The following NR5A2 variants were observed in gnomAD, a reference collection of about 807,000 sequenced individuals.
The protein encoded by NR5A2 is nuclear receptor subfamily 5 group A member 2.
In NR5A2, 26 loss-of-function variants were observed where a neutral mutation model predicts 62.7. The observed-to-expected ratio is 0.41, with a 90% confidence interval of 0.30 to 0.58. NR5A2 has a LOEUF of 0.58. NR5A2 is among the 20% of genes least tolerant of loss of function. NR5A2 has a pLI of 0.22. For missense variants in NR5A2, 541 were observed against 669.1 expected (o/e 0.81, Z 2.11); for synonymous variants, 246 against 241.7 (o/e 1.02, Z -0.16).
At position 200,133,566 on chromosome 1, in the gene NR5A2, TATATATACAC is replaced by T. The variant is rs1271289058; in HGVS notation, c.1378+12619_1378+12628del. ...ATATATACACATATATACACACATA[TATATATACAC>T]ATATATATACACATATATATATATA... On this transcript the variant is annotated intron_variant, in intron 7 of 7. Coordinates refer to ENST00000367362, the MANE Select transcript of NR5A2 (RefSeq NM_205860.3). Among the ~76,000 whole-genome samples, 27 of 136,898 alleles carry T rather than the reference TATATATACAC, an allele frequency of 2.0e-4. 1 individual carries two copies. Among genetic ancestry groups the T allele is most frequent in the Admixed American group, 8.9e-4 (12 of 13,512 alleles). The allele number at this position is 136,898 out of a possible 152,430, so 89.8% of individuals were successfully genotyped here.
intron 1 of NR5A2, among the ~76,000 whole-genome samples, chr1:200,031,019 C>T (rs56222202): frequency 0.12 from 18,939 of 152,144 alleles, 1,736 homozygotes; most frequent in African/African-American, 0.26. Context: ...TAACCTCCAG[C>T]GAGCTTTATT....
intron 5 of NR5A2, among the ~76,000 whole-genome samples, chr1:200,095,924 G>C: frequency 6.6e-6 from 1 of 152,222 alleles, no homozygotes; most frequent in South Asian, 2.1e-4. Context: ...AATAGGAAAA[G>C]TACTACTAGA....
At position 200,044,783 on chromosome 1, in the gene NR5A2, T is replaced by A. The variant is rs570032659; in HGVS notation, c.322-660T>A. On this transcript the variant is annotated intron_variant, in intron 3 of 7. Transcript: ENST00000367362. ...ACACATTTTATTTTTGATTAATTCT[T>A]TTATATAAAATATAAGGAAAGCTCA... Among the ~76,000 whole-genome samples, 6 of 152,228 alleles carry A rather than the reference T, an allele frequency of 3.9e-5. No individual in the cohort carries two copies. The South Asian group carries it at 1.2e-3, about 32-fold the overall frequency.
chr1:200,080,853 A>G (rs1162957831), intron 5 of NR5A2, among the ~76,000 whole-genome samples: 1 of 152,210 alleles, frequency 6.6e-6, no homozygotes, highest in East Asian at 1.9e-4. Flanking sequence ...ATATATTTAC[A>G]AGGGATCCTT....
At position 200,107,310 on chromosome 1, in the gene NR5A2, T is replaced by TG. The variant is rs151073119; in HGVS notation, c.1111-3892_1111-3891insG. Among the ~76,000 whole-genome samples, 1,302 of 151,816 alleles carry TG rather than the reference T, an allele frequency of 8.6e-3. 27 individuals are homozygous for TG. Among genetic ancestry groups the TG allele is most frequent in the African/African-American group, 0.03 (1,237 of 41,368 alleles). ...CAAGCATTTATTAAGTGGCTTTTTT[T>TG]TTTTTTGCCAGGCACCAGGGAAGAC... On this transcript the variant is annotated intron_variant, in intron 5 of 7. Coordinates refer to ENST00000367362, the MANE Select transcript of NR5A2 (RefSeq NM_205860.3).
Position 200,027,920 on chromosome 1 carries a change from G to C in NR5A2, c.64+9G>C. 6.4e-7 allele frequency: 1 copy of C among 1,564,552 alleles called. No homozygotes were observed. Among genetic ancestry groups the C allele is most frequent in the Non-Finnish European group, 8.7e-7 (1 of 1,148,560 alleles). On this transcript the variant is annotated intron_variant, in intron 1 of 7. Transcript: ENST00000367362. ...CGGACTTACACCTATTGGTAAGTAGGAGTTTCTCTATTGATCATCTATTTA... is the reference window on the plus strand; with the variant it reads ...CGGACTTACACCTATTGGTAAGTAGCAGTTTCTCTATTGATCATCTATTTA...
intron 5 of NR5A2, among the ~76,000 whole-genome samples, chr1:200,061,120 C>CAA (rs34729240): frequency 2.7e-4 from 20 of 75,300 alleles, no homozygotes; most frequent in Admixed American, 6.4e-4. Flanking sequence ...AACTCCGTCT[C>CAA]AAAAAAAAAA....
rs1232461495 is a variant in NR5A2, at chr1:200,048,771, T to A, written c.1063T>A (p.Ser355Thr). The A allele has an allele frequency of 6.2e-7, 1 of 1,614,158 alleles. No homozygotes were observed. The highest frequency in any genetic ancestry group is 1.7e-5 in the Admixed American group (1 of 60,006). Reference protein sequence around the residue: ...MCKMADQTLFSIVEWARSSIF... With the variant: ...MCKMADQTLFTIVEWARSSIF... ...CAAAATGGCAGATCAAACTCTCTTC[T>A]CCATTGTCGAGTGGGCCAGGAGTAG... The change falls in exon 5 of 8, where the codon TCC becomes ACC. Residue 355 changes from serine (S) to threonine (T), a missense_variant. Physicochemically the swap from Ser to Thr is moderately conservative, Grantham distance 58. Coordinates refer to ENST00000367362, the MANE Select transcript of NR5A2 (RefSeq NM_205860.3). The surrounding 1 kb of genome is among the most constrained non-coding windows in gnomAD (Gnocchi z 4.8).
chr1:200,111,168 T>G, intron 5 of NR5A2, 34 bp from the exon 6 acceptor site: 1 of 1,600,338 alleles, frequency 6.2e-7, no homozygotes, highest in South Asian at 1.1e-5. Context: ...CATTTTTTGT[T>G]TTTTTTGTTT....
chr1:200,091,674 C>A (rs1382878079), intron 5 of NR5A2, among the ~76,000 whole-genome samples: 11 of 151,818 alleles, frequency 7.2e-5, no homozygotes. Flanking sequence ...TAATAGAGAT[C>A]GGGTTTCACC....
chr1:200,050,116 G>A (rs960283212), intron 5 of NR5A2, among the ~76,000 whole-genome samples: 6 of 152,138 alleles, frequency 3.9e-5, no homozygotes, highest in South Asian at 2.1e-4. Context: ...AATGCACTGC[G>A]TTAGCACAAT....
rs569577142 is a variant in NR5A2, at chr1:200,162,712, T to C, written c.1379-11251T>C. ...GAAAGCAGAGGCAGCAACTCGGTGA[T>C]GGCTGGATTGGAAAAGAAGAGGAGA... On this transcript the variant is annotated intron_variant, in intron 7 of 7. Coordinates refer to ENST00000367362, the MANE Select transcript of NR5A2 (RefSeq NM_205860.3). Among the ~76,000 whole-genome samples the C allele has an allele frequency of 1.6e-3, 241 of 152,226 alleles. 1 individual carries two copies. Among genetic ancestry groups the C allele is most frequent in the Non-Finnish European group, 2.5e-3 (172 of 68,014 alleles).
intron 7 of NR5A2, among the ~76,000 whole-genome samples, chr1:200,131,731 C>T (rs1666977613): frequency 6.6e-6 from 1 of 152,140 alleles, no homozygotes; most frequent in South Asian, 2.1e-4. Flanking sequence ...ACCCCAGGGC[C>T]TCAGGTCTGT....
At chr1:200,098,783 G>A (rs1665222039) in intron 5 of NR5A2, among the ~76,000 whole-genome samples, 1 of 152,228 alleles carries the variant, frequency 6.6e-6, no homozygotes, top group Non-Finnish European at 1.5e-5. Context: ...TCCAGGTAAT[G>A]AAAGGGTAGA....
chr1:200,034,504 ACT>A (rs1206866908), intron 1 of NR5A2, among the ~76,000 whole-genome samples: 2 of 147,078 alleles, frequency 1.4e-5, no homozygotes, highest in Non-Finnish European at 3.0e-5. Context: ...TCTTCAGTGA[ACT>A]CTTTTTATAC....
chr1:200,071,061 G>A (rs527289060), intron 5 of NR5A2, among the ~76,000 whole-genome samples: 59 of 152,206 alleles, frequency 3.9e-4, no homozygotes, highest in Non-Finnish European at 6.6e-4. Context: ...CCTTTTTAGA[G>A]CAATTGACTT....
At position 200,040,412 on chromosome 1, in the gene NR5A2, G is replaced by A. The variant is rs551884378; in HGVS notation, c.202+617G>A. Among the ~76,000 whole-genome samples the A allele has an allele frequency of 2.6e-5, 4 of 152,354 alleles. No homozygotes were observed. The East Asian group carries it at 5.8e-4, about 22-fold the overall frequency. On this transcript the variant is annotated intron_variant, in intron 2 of 7. Coordinates refer to ENST00000367362, the MANE Select transcript of NR5A2 (RefSeq NM_205860.3). ...ACGCGTAGTGCTGAGTGAGTTGGGG[G>A]TGGGAGGACAGCGGTTCGTTTATTG...
chr1:200,143,029 TAA>T (rs1667514594), intron 7 of NR5A2, among the ~76,000 whole-genome samples: 1 of 151,554 alleles, frequency 6.6e-6, no homozygotes, highest in Non-Finnish European at 1.5e-5. Context: ...ATGCTGTATG[TAA>T]AAAGTGTGTG....
intron 5 of NR5A2, among the ~76,000 whole-genome samples, chr1:200,074,973 A>G (rs1663961021): frequency 6.6e-6 from 1 of 152,144 alleles, no homozygotes; most frequent in Non-Finnish European, 1.5e-5. Context: ...AAAAACATGT[A>G]TTACTTATTT....
Sources: allele counts gnomAD v4.1 joint callset (sites outside exome capture counted in the v4.1 genomes callset), GRCh38; gene constraint gnomAD v4.1.1; non-coding constraint Gnocchi (gnomAD v3.1); transcripts MANE v1.5; gene names NCBI Gene and HGNC (gene_info 2026-07-23, HGNC 2026-07-21).